GALNT13: variants seen among roughly 807,000 people sequenced by gnomAD.
GALNT13 encodes polypeptide N-acetylgalactosaminyltransferase 13, also known as UDP-GalNAc:polypeptide N-acetylgalactosaminyltransferase 13.
GALNT13 carries 28 observed loss-of-function variants against 64.2 expected under a neutral mutation model. That is an observed-to-expected ratio of 0.44 (90% CI 0.32 to 0.60). The LOEUF (loss-of-function observed/expected upper bound fraction) is 0.60. GALNT13 is among the 20% of genes least tolerant of loss of function. The pLI, the probability that GALNT13 is intolerant of heterozygous loss-of-function variation, is 0.05. For missense variants in GALNT13, 577 were observed against 669.8 expected, an observed-to-expected ratio of 0.86 and a Z score of 1.53; for synonymous variants, 214 against 224.6, an observed-to-expected ratio of 0.95 and a Z score of 0.42.
the GALNT13 span, among the ~76,000 whole-genome samples, chr2:153,331,404 G>A: frequency 6.6e-6 from 1 of 151,492 alleles, no homozygotes; most frequent in Admixed American, 6.6e-5. Flanking sequence ...GTATTAGTCA[G>A]GGTTCTCTAG....
At chr2:153,630,173 A>G in the GALNT13 span, among the ~76,000 whole-genome samples, 2,476 of 152,048 alleles carry the variant, frequency 0.016, 42 homozygotes, top group African/African-American at 0.047. Context: ...ATTATAAGTC[A>G]TGCTGCTATA....
At chr2:153,150,613 G>GT in the GALNT13 span, among the ~76,000 whole-genome samples, 1 of 151,990 alleles carries the variant, frequency 6.6e-6, no homozygotes, top group Non-Finnish European at 1.5e-5. Context: ...TAGGTCTAAT[G>GT]TTTAAGTCTT....
chr2:154,252,773 AG>A (rs1357120772), intron 7 of GALNT13, among the ~76,000 whole-genome samples: 4 of 140,694 alleles, frequency 2.8e-5, no homozygotes, highest in East Asian at 2.1e-4. Context: ...ATAGATAGAT[AG>A]ATAGATAATA....
the GALNT13 span, among the ~76,000 whole-genome samples, chr2:153,234,291 T>C: frequency 7.9e-5 from 12 of 152,082 alleles, no homozygotes; most frequent in African/African-American, 1.9e-4. Flanking sequence ...GAGAAGAGTA[T>C]GGATGAAGGC....
the GALNT13 span, among the ~76,000 whole-genome samples, chr2:153,372,644 C>CA: frequency 0.25 from 32,964 of 129,928 alleles, 3,828 homozygotes; most frequent in South Asian, 0.29. Flanking sequence ...GACTCTGTCT[C>CA]AAAAAAAAAA....
At chr2:153,507,514 C>T in the GALNT13 span, among the ~76,000 whole-genome samples, 6 of 152,068 alleles carry the variant, frequency 3.9e-5, no homozygotes, top group Non-Finnish European at 8.8e-5. Context: ...CTCCTGATCT[C>T]GTGATCCACT....
chr2:154,153,489 G>T (rs889952747), intron 4 of GALNT13, among the ~76,000 whole-genome samples: 2 of 152,244 alleles, frequency 1.3e-5, no homozygotes, highest in African/African-American at 4.8e-5. Context: ...TAAGTCTGCA[G>T]AGTTTACTGG....
At chr2:154,224,801 C>T (rs1471186352) in intron 4 of GALNT13, among the ~76,000 whole-genome samples, 1 of 152,054 alleles carries the variant, frequency 6.6e-6, no homozygotes, top group Non-Finnish European at 1.5e-5. Flanking sequence ...AAAAAATTAT[C>T]TAAATTCCTC....
At chr2:154,367,273 G>A (rs1697422787) in intron 9 of GALNT13, among the ~76,000 whole-genome samples, 1 of 152,050 alleles carries the variant, frequency 6.6e-6, no homozygotes, top group Non-Finnish European at 1.5e-5. Context: ...TATCTATGTG[G>A]AAAAATGGAT....
intron 3 of GALNT13, among the ~76,000 whole-genome samples, chr2:154,001,434 T>C (rs1695899803): frequency 6.6e-6 from 1 of 151,918 alleles, no homozygotes; most frequent in African/African-American, 2.4e-5. Context: ...GCATCTATTA[T>C]AAGTTTTTGC....
At chr2:153,101,684 C>CAT in the GALNT13 span, among the ~76,000 whole-genome samples, 2 of 152,250 alleles carry the variant, frequency 1.3e-5, no homozygotes, top group African/African-American at 4.8e-5. Flanking sequence ...CCTGGCTATC[C>CAT]GTCTTTTTGT....
the GALNT13 span, among the ~76,000 whole-genome samples, chr2:153,317,308 A>C: frequency 6.6e-6 from 1 of 152,166 alleles, no homozygotes; most frequent in South Asian, 2.1e-4. Flanking sequence ...TAACACCTGC[A>C]GAGGTTCATA....
At chr2:153,392,914 G>C in the GALNT13 span, among the ~76,000 whole-genome samples, 1 of 151,998 alleles carries the variant, frequency 6.6e-6, no homozygotes, top group South Asian at 2.1e-4. Context: ...AGGTCCAAGG[G>C]AGATTGTTAG....
chr2:153,384,899 C>G, the GALNT13 span, among the ~76,000 whole-genome samples: 1 of 151,964 alleles, frequency 6.6e-6, no homozygotes, highest in Non-Finnish European at 1.5e-5. Context: ...AGGATGACTA[C>G]AGAGTTTGAA....
At chr2:153,463,706 A>G in the GALNT13 span, among the ~76,000 whole-genome samples, 1 of 152,092 alleles carries the variant, frequency 6.6e-6, no homozygotes, top group African/African-American at 2.4e-5. Flanking sequence ...AATCATGGCT[A>G]CAGATGAGGG....
the GALNT13 span, among the ~76,000 whole-genome samples, chr2:153,630,469 G>A: frequency 1.2e-3 from 146 of 120,578 alleles, 1 homozygote; most frequent in Non-Finnish European, 1.3e-3. Flanking sequence ...GTACACAGGA[G>A]GGGGAACATC....
chr2:153,451,824 T>A, the GALNT13 span, among the ~76,000 whole-genome samples: 1 of 152,194 alleles, frequency 6.6e-6, no homozygotes, highest in Non-Finnish European at 1.5e-5. Flanking sequence ...AGGCGGCAGG[T>A]AGGTGCAGAC....
chr2:153,876,594 T>C (rs1472696939), intron 1 of GALNT13, among the ~76,000 whole-genome samples: 1 of 152,138 alleles, frequency 6.6e-6, no homozygotes, highest in Admixed American at 6.6e-5. Flanking sequence ...TGATTTCATA[T>C]TTAGACCTGT....
At chr2:153,207,944 T>G in the GALNT13 span, 1 of 152,168 alleles carries the variant, frequency 6.6e-6, no homozygotes, top group Admixed American at 6.5e-5. Flanking sequence ...TCATTCTTCT[T>G]TAGAACTTTG....
Sources: gnomAD v4.1 joint callset for allele counts (sites outside exome capture counted in the v4.1 genomes callset) on GRCh38, gnomAD v4.1.1 for gene constraint, MANE v1.5 for transcripts, NCBI Gene and HGNC (gene_info 2026-07-23, HGNC 2026-07-21) for gene names.